The following IL12RB2 variants were observed in gnomAD, a reference collection of about 807,000 sequenced individuals.
The protein encoded by IL12RB2 is interleukin-12 receptor subunit beta-2.
In IL12RB2, 82 loss-of-function variants were observed where a neutral mutation model predicts 89.4. That is an observed-to-expected ratio of 0.92 (90% CI 0.77 to 1.10). The LOEUF is 1.10. Ranked by LOEUF, IL12RB2 falls within the 50% of genes least tolerant of loss-of-function variation. The pLI is 0.00. For synonymous variants in IL12RB2, 368 were observed against 370.1 expected, an observed-to-expected ratio of 0.99 and a Z score of 0.07; for missense variants, 963 against 1,031.9, an observed-to-expected ratio of 0.93 and a Z score of 0.92.
Position 67,397,242 on chromosome 1 carries a change from T to C in IL12RB2, c.*1153T>C, listed in dbSNP as rs913162194. On this transcript the variant is annotated 3_prime_UTR_variant, in exon 17 of 17. Transcript: ENST00000674203. Reference sequence around the variant, plus strand: ...AGGGCAGCTGGATGGTGAAGACCTATATTGTAAACTCACCATAGTACCATA... The same window carrying C: ...AGGGCAGCTGGATGGTGAAGACCTACATTGTAAACTCACCATAGTACCATA... 1.3e-5 allele frequency among the ~76,000 whole-genome samples: 2 copies of C among 152,164 alleles called. No homozygotes were observed. The highest frequency in any genetic ancestry group is 4.8e-5 in the African/African-American group (2 of 41,448).
intron 13 of IL12RB2, among the ~76,000 whole-genome samples, chr1:67,378,345 A>G (rs1314705317): frequency 6.6e-6 from 1 of 152,182 alleles, no homozygotes; most frequent in Admixed American, 6.5e-5. Flanking sequence ...AAACAGCATC[A>G]GTGTATTACT....
intron 2 of IL12RB2, among the ~76,000 whole-genome samples, chr1:67,316,453 T>TGTGTGTGTGTGTGTGTGTGTG (rs397980413): frequency 6.6e-6 from 1 of 150,942 alleles, no homozygotes; most frequent in Non-Finnish European, 1.5e-5. Flanking sequence ...TGTGTGTGTG[T>TGTGTGTGTGTGTGTGTGTGTG]TAATGTCACT....
chr1:67,332,646 T>C (rs887641690), intron 8 of IL12RB2, among the ~76,000 whole-genome samples: 13 of 152,234 alleles, frequency 8.5e-5, no homozygotes, highest in African/African-American at 2.9e-4. Context: ...CGTTTTATTA[T>C]ATATAGTCAA....
chr1:67,360,914 A>C (rs923356990), intron 10 of IL12RB2, among the ~76,000 whole-genome samples: 25 of 152,106 alleles, frequency 1.6e-4, no homozygotes, highest in Non-Finnish European at 4.4e-5. Flanking sequence ...GCCTGGTGGG[A>C]GGAACATATC....
At chr1:67,330,960 T>G (rs1658004503) in intron 8 of IL12RB2, 150 bp downstream of exon 8, 1 of 481,120 alleles carries the variant, frequency 2.1e-6, no homozygotes, top group Non-Finnish European at 3.9e-6. Flanking sequence ...ATTTTTATAT[T>G]AACTTAAGTG....
intron 3 of IL12RB2, among the ~76,000 whole-genome samples, chr1:67,321,048 G>T (rs749638711): frequency 6.6e-6 from 1 of 150,898 alleles, no homozygotes; most frequent in Admixed American, 6.6e-5. Context: ...CCTGCCTCCC[G>T]CCGTCCACAA....
Position 67,367,841 on chromosome 1 carries a change from C to T in IL12RB2, c.1275C>T (p.Arg425=). Residue 425 remains arginine (R), a synonymous_variant, in exon 11 of 17, where the codon CGC becomes CGT. Transcript: ENST00000674203. Reference sequence around the variant, plus strand: ...CCGATAAAGGGTTGCTGGCTCCTCGCCAGGTCTCTGCAAACTCAGAGGGCA... The same window carrying T: ...CCGATAAAGGGTTGCTGGCTCCTCGTCAGGTCTCTGCAAACTCAGAGGGCA... ...NLCEAGLLAP[R]QVSANSEGMD... is the part of the protein sequence containing the mutation. 1 of 1,593,320 alleles carries T rather than the reference C, an allele frequency of 6.3e-7. No homozygotes were observed. Among genetic ancestry groups the T allele is most frequent in the South Asian group, 1.1e-5 (1 of 90,662 alleles).
chr1:67,370,280 G>A (rs1377549158), intron 11 of IL12RB2, among the ~76,000 whole-genome samples: 2 of 152,062 alleles, frequency 1.3e-5, no homozygotes, highest in African/African-American at 4.8e-5. Flanking sequence ...TTTTGGAGTG[G>A]GCCAGAATAC....
At position 67,329,744 on chromosome 1, in the gene IL12RB2, A is replaced by C; in HGVS notation, c.807+15A>C. 5 of 1,583,102 alleles carry C rather than the reference A, an allele frequency of 3.2e-6. No homozygotes were observed. Among genetic ancestry groups the C allele is most frequent in the East Asian group, 2.2e-5 (1 of 44,716 alleles). ...TCTGGAATATGGTAATTATCTTTAG[A>C]GTGAAGGAAAAAACACTGAAGCATT... On this transcript the variant is annotated intron_variant, in intron 7 of 16. Coordinates refer to ENST00000674203, the MANE Select transcript of IL12RB2 (RefSeq NM_001374259.2).
At chr1:67,324,055 A>G (rs964899700) in intron 4 of IL12RB2, among the ~76,000 whole-genome samples, 2 of 152,248 alleles carry the variant, frequency 1.3e-5, no homozygotes, top group African/African-American at 4.8e-5. Flanking sequence ...TACTAATTCT[A>G]AGAGTAAAAG....
intron 9 of IL12RB2, 157 bp downstream of exon 9, chr1:67,338,860 A>C: frequency 1.5e-6 from 1 of 668,558 alleles, no homozygotes. Flanking sequence ...CCTTTGGTGG[A>C]TAGGGGTGAG....
intron 14 of IL12RB2, among the ~76,000 whole-genome samples, chr1:67,380,546 C>T (rs1180531272): frequency 1.3e-5 from 2 of 152,312 alleles, no homozygotes; most frequent in East Asian, 3.9e-4. Flanking sequence ...ATAATAATAG[C>T]AGCTATTGCA....
intron 1 of IL12RB2, among the ~76,000 whole-genome samples, chr1:67,310,631 A>G (rs1308207416): frequency 3.9e-5 from 6 of 152,238 alleles, no homozygotes; most frequent in African/African-American, 1.4e-4. Context: ...ATAGCAGGTA[A>G]CATTGATTGA....
chr1:67,383,583 G>A (rs1311302305), intron 14 of IL12RB2, among the ~76,000 whole-genome samples: 2 of 152,062 alleles, frequency 1.3e-5, no homozygotes, highest in African/African-American at 2.4e-5. Flanking sequence ...ATATAAAGGG[G>A]GTACAGGCAT....
rs1666307409 is a variant in IL12RB2 at position 67,395,765 on chromosome 1, T to G, written c.2265T>G (p.Ala755=). The G allele has an allele frequency of 6.2e-7, 1 of 1,613,914 alleles. No homozygotes were observed. Among genetic ancestry groups the G allele is most frequent in the Non-Finnish European group, 8.5e-7 (1 of 1,179,864 alleles). Residue 755 remains alanine (A), a synonymous_variant, in exon 17 of 17, where the codon GCT becomes GCG. Coordinates refer to ENST00000674203, the MANE Select transcript of IL12RB2 (RefSeq NM_001374259.2). Reference sequence around the variant, plus strand: ...CCTCAAGCCCACCACCTCCAAGAGCTCTCCAAGCTGAGAGCAGACAACTGG... The same window carrying G: ...CCTCAAGCCCACCACCTCCAAGAGCGCTCCAAGCTGAGAGCAGACAACTGG... The part of the protein sequence containing the change: ...HSASSPPPPR[A]LQAESRQLVD...
At chr1:67,366,979 G>A (rs1483924210) in intron 10 of IL12RB2, among the ~76,000 whole-genome samples, 3 of 152,072 alleles carry the variant, frequency 2.0e-5, no homozygotes, top group South Asian at 4.2e-4. Context: ...CAACACATAC[G>A]CACAAAATAA....
intron 1 of IL12RB2, among the ~76,000 whole-genome samples, chr1:67,311,026 A>G (rs936143217): frequency 1.3e-5 from 2 of 152,090 alleles, no homozygotes; most frequent in Admixed American, 6.6e-5. Flanking sequence ...TCCGTCCAGT[A>G]GGTGCTGTTT....
chr1:67,338,845 A>G (rs1659186253), intron 9 of IL12RB2, 142 bp downstream of exon 9: 5 of 691,130 alleles, frequency 7.2e-6, no homozygotes, highest in Admixed American at 6.3e-5. Context: ...CCACAGTGTC[A>G]TGTGCCTTTG....
intron 8 of IL12RB2, among the ~76,000 whole-genome samples, chr1:67,334,781 ATTC>A (rs1349591744): frequency 6.6e-6 from 1 of 152,126 alleles, no homozygotes; most frequent in African/African-American, 2.4e-5. Flanking sequence ...GCCCGGCCGG[ATTC>A]TTCTTTTGAT....
Sources: allele counts gnomAD v4.1 joint callset (sites outside exome capture counted in the v4.1 genomes callset), GRCh38; gene constraint gnomAD v4.1.1; transcripts MANE v1.5; gene names NCBI Gene and HGNC (gene_info 2026-07-23, HGNC 2026-07-21).